GCNT1: variants seen among roughly 807,000 people sequenced by gnomAD.
GCNT1 encodes beta-1,3-galactosyl-O-glycosyl-glycoprotein beta-1,6-N-acetylglucosaminyltransferase.
GCNT1 carries 16 observed loss-of-function variants against 26.2 expected under a neutral mutation model. The observed-to-expected ratio is 0.61, with a 90% CI of 0.41 to 0.93. The LOEUF (loss-of-function observed/expected upper bound fraction) is 0.93, where lower values mean the gene tolerates loss of function less well. Ranked by LOEUF, GCNT1 falls within the 40% of genes least tolerant of loss-of-function variation. GCNT1 has a pLI of 0.00. For synonymous variants in GCNT1, 183 were observed against 190.8 expected (o/e 0.96, Z 0.34); for missense variants, 477 against 526.7 (o/e 0.91, Z 0.92).
rs1825179950 is a variant in GCNT1 at position 76,504,446 on chromosome 9, C to T, written c.*778C>T. 1 of 259,008 alleles carries T rather than the reference C, an allele frequency of 3.9e-6. No homozygotes were observed. Among genetic ancestry groups the T allele is most frequent in the Non-Finnish European group, 7.8e-6 (1 of 128,826 alleles). The allele number at this position is 259,008 out of a possible 1,614,324, so 16.0% of individuals were successfully genotyped here. A position where few individuals can be genotyped will look rare whatever the true frequency, so the allele number is the denominator to read the frequency against. On this transcript the variant is annotated 3_prime_UTR_variant, in exon 4 of 4. Transcript: ENST00000376730. ...TTTTCTAGAGATTTGCCTCTATCTTCCTTTCCTCAGTCTTCCCAGACTGCT... is the reference window on the plus strand; with the variant it reads ...TTTTCTAGAGATTTGCCTCTATCTTTCTTTCCTCAGTCTTCCCAGACTGCT...
At chr9:76,399,622 A>G in the GCNT1 span, 1 of 1,050,360 alleles carries the variant, frequency 9.5e-7, no homozygotes, top group East Asian at 2.4e-5. Context: ...AACATGGAAA[A>G]ATGGTTGATG....
intron 1 of GCNT1, among the ~76,000 whole-genome samples, chr9:76,430,650 T>C (rs1239630367): frequency 6.6e-6 from 1 of 152,120 alleles, no homozygotes; most frequent in African/African-American, 2.4e-5. Flanking sequence ...TCTCCCAAAG[T>C]GCTGGGATTA....
chr9:76,501,316 T>C lies in GCNT1; in HGVS notation c.-144+255T>C, dbSNP rs145201551. On this transcript the variant is annotated intron_variant, in intron 3 of 3. Coordinates refer to ENST00000376730, the MANE Select transcript of GCNT1 (RefSeq NM_001490.5). ...TAGAACCAATTGCCAAGTTATAAAA[T>C]TGATTTTTGAAAACAAAGCTATTTA... 4.4e-3 allele frequency among the ~76,000 whole-genome samples: 673 copies of C among 152,296 alleles called. 5 individuals carry two copies. The highest frequency in any genetic ancestry group is 0.014 in the African/African-American group (602 of 41,552).
chr9:76,501,827 G>A (rs1825076924), intron 3 of GCNT1: 1 of 152,284 alleles, frequency 6.6e-6, no homozygotes, highest in African/African-American at 2.4e-5. Context: ...CAAGAACAAG[G>A]GGTGGTAATT....
At chr9:76,497,963 C>A (rs1469641469) in intron 2 of GCNT1, among the ~76,000 whole-genome samples, 1 of 146,528 alleles carries the variant, frequency 6.8e-6, no homozygotes, top group African/African-American at 2.4e-5. Flanking sequence ...TCAAAGGAAA[C>A]CTTTGTACCT....
At chr9:76,398,884 T>C in the GCNT1 span, 1 of 1,530,590 alleles carries the variant, frequency 6.5e-7, no homozygotes. Context: ...TGCTGGCAGC[T>C]AGTGCTATTG....
At chr9:76,472,150 G>A (rs758794702) in intron 2 of GCNT1, among the ~76,000 whole-genome samples, 6 of 152,140 alleles carry the variant, frequency 3.9e-5, no homozygotes, top group Non-Finnish European at 7.4e-5. Flanking sequence ...GGTGGCGTTC[G>A]CCTGTAATCC....
At chr9:76,404,200 TCA>T in the GCNT1 span, among the ~76,000 whole-genome samples, 25 of 152,326 alleles carry the variant, frequency 1.6e-4, no homozygotes, top group East Asian at 1.7e-3. Flanking sequence ...TAAAATTATT[TCA>T]GTTTGTCTTC....
chr9:76,475,536 AT>A (rs1824234925), intron 2 of GCNT1, among the ~76,000 whole-genome samples: 1 of 152,098 alleles, frequency 6.6e-6, no homozygotes, highest in South Asian at 2.1e-4. Context: ...GATGTTTTTT[AT>A]TTTTATTTTT....
the GCNT1 span, among the ~76,000 whole-genome samples, chr9:76,403,321 A>G: frequency 6.6e-6 from 1 of 152,170 alleles, no homozygotes; most frequent in South Asian, 2.1e-4. Context: ...TTCCTTGTGT[A>G]TTTCCTGTAT....
intron 1 of GCNT1, among the ~76,000 whole-genome samples, chr9:76,427,426 C>T (rs944849227): frequency 4.6e-5 from 7 of 152,190 alleles, no homozygotes; most frequent in Middle Eastern, 3.4e-3. Flanking sequence ...GCGATCTGCC[C>T]GCCTCAGCCC....
chr9:76,494,183 C>T (rs1587453175), intron 2 of GCNT1, among the ~76,000 whole-genome samples: 2 of 152,038 alleles, frequency 1.3e-5, no homozygotes, highest in East Asian at 1.9e-4. Context: ...CAAGGATGAC[C>T]GAGGAAGGTC....
At chr9:76,439,345 C>T (rs965976780), upstream of GCNT1, among the ~76,000 whole-genome samples, 8 of 151,692 alleles carry the variant, frequency 5.3e-5, no homozygotes, top group East Asian at 1.4e-3. Flanking sequence ...CCACCTCAGC[C>T]TCCCTTGTAG....
In GCNT1 at chr9:76,502,877, G is replaced by A. The variant is rs1320937080; in HGVS notation, c.496G>A (p.Val166Met). 2 of 1,613,938 alleles carry A rather than the reference G, an allele frequency of 1.2e-6. No homozygotes were observed. The highest frequency in any genetic ancestry group is 1.3e-5 in the African/African-American group (1 of 74,908). The change falls in exon 4 of 4, where the codon GTG becomes ATG. Residue 166 changes from valine to methionine, a missense_variant. Coordinates refer to ENST00000376730, the MANE Select transcript of GCNT1 (RefSeq NM_001490.5). ...TKSEDSYLAA[V>M]MGIASCFSNV... is the part of the protein sequence containing the mutation. ...ATCCGAGGATTCCTATTTAGCTGCA[G>A]TGATGGGCATCGCTTCCTGTTTTAG...
chr9:76,427,198 CTTT>C (rs35341377), intron 1 of GCNT1, among the ~76,000 whole-genome samples: 2 of 142,014 alleles, frequency 1.4e-5, no homozygotes. Context: ...CTGCCAACAC[CTTT>C]TTTTTTTTTT....
At chr9:76,459,015 G>T (rs970065204), upstream of GCNT1, 3 of 152,330 alleles carry the variant, frequency 2.0e-5, no homozygotes, top group East Asian at 5.8e-4. Context: ...GGATCGCAGC[G>T]CTACTCCCAG....
In GCNT1 at chr9:76,504,368, T is replaced by C. The variant is rs1312408966; in HGVS notation, c.*700T>C. ...AAATCATCTTATGTTATTAGCAAGG[T>C]TAAGACATCTTTTTTAAAAAAATTA... On this transcript the variant is annotated 3_prime_UTR_variant, in exon 4 of 4. Coordinates refer to ENST00000376730, the MANE Select transcript of GCNT1 (RefSeq NM_001490.5). 1 of 177,894 alleles carries C rather than the reference T, an allele frequency of 5.6e-6. No individual in the cohort carries two copies. The highest frequency in any genetic ancestry group is 2.4e-5 in the African/African-American group (1 of 41,946). 11.0% of individuals were successfully genotyped at this position (177,894 alleles called of 1,614,324 possible). A position where few individuals can be genotyped will look rare whatever the true frequency, so the allele number is the denominator to read the frequency against.
chr9:76,492,152 C>T (rs1167760403), intron 2 of GCNT1, among the ~76,000 whole-genome samples: 1 of 152,112 alleles, frequency 6.6e-6, no homozygotes, highest in Non-Finnish European at 1.5e-5. Context: ...AAGTTTTGTC[C>T]TGTGGGAAGG....
At chr9:76,437,183 C>T (rs1823421482), upstream of GCNT1, among the ~76,000 whole-genome samples, 1 of 151,864 alleles carries the variant, frequency 6.6e-6, no homozygotes, top group Non-Finnish European at 1.5e-5. Flanking sequence ...AACATGTGAA[C>T]AAGAGCAACT....
Sources: gnomAD v4.1 joint callset for allele counts (sites outside exome capture counted in the v4.1 genomes callset) on GRCh38, gnomAD v4.1.1 for gene constraint, MANE v1.5 for transcripts, NCBI Gene and HGNC (gene_info 2026-07-23, HGNC 2026-07-21) for gene names.